The following TMC3 variants were observed in gnomAD, a reference collection of about 807,000 sequenced individuals.
TMC3 encodes transmembrane channel-like protein 3.
TMC3 carries 98 observed loss-of-function variants against 110.6 expected under a neutral mutation model. The ratio of observed to expected loss-of-function variants is 0.89; its 90% CI spans 0.75 to 1.05. TMC3 has a LOEUF of 1.05. Among genes scored for constraint, TMC3 ranks in the 50% least tolerant of loss-of-function variants. TMC3 has a pLI of 0.00. For synonymous variants in TMC3, 489 were observed against 513.1 expected (o/e 0.95, Z 0.63); for missense variants, 1,319 against 1,373.2 (o/e 0.96, Z 0.62).
At chr15:81,343,370 A>G in intron 14 of TMC3, 25 bp from the exon 15 acceptor site, 1 of 1,536,454 alleles carries the variant, frequency 6.5e-7, no homozygotes, top group Non-Finnish European at 9.0e-7. Context: ...AAACTTGTGC[A>G]TTAAACAAGT....
chr15:81,362,770 A>C (rs533542247), intron 3 of TMC3, among the ~76,000 whole-genome samples: 7 of 152,314 alleles, frequency 4.6e-5, no homozygotes, highest in African/African-American at 1.4e-4. Flanking sequence ...TCATAAACCT[A>C]AGGGGATTCT....
chr15:81,364,023 T>C (rs566299263), intron 3 of TMC3, among the ~76,000 whole-genome samples: 4 of 152,354 alleles, frequency 2.6e-5, no homozygotes, highest in South Asian at 2.1e-4. Context: ...TTTATTTCCT[T>C]GGATTCCATT....
rs1330601538 is a variant in TMC3 at position 81,344,944 on chromosome 15, G to T, written c.1340C>A (p.Ala447Asp). 2.5e-6 allele frequency: 4 copies of T among 1,612,362 alleles called. No individual in the cohort carries two copies. Among genetic ancestry groups the T allele is most frequent in the Non-Finnish European group, 3.4e-6 (4 of 1,179,268 alleles). The change falls in exon 13 of 22, where the codon GCC (alanine) becomes GAC (aspartate). Residue 447 changes from alanine to aspartate, a missense_variant. Transcript: ENST00000359440. ...DSTTFFATRT[A>D]PEEEKWSTSR... ...TGTGGACCATTTCTCTTCTTCAGGG[G>T]CTGTCCTGGTTGCAAAGAAGGTGGT...
intron 9 of TMC3, among the ~76,000 whole-genome samples, chr15:81,354,492 A>G (rs949285714): frequency 2.0e-5 from 3 of 152,156 alleles, no homozygotes; most frequent in Non-Finnish European, 4.4e-5. Context: ...CCAGCATTGC[A>G]CCCAGCCTCT....
chr15:81,333,065 C>T lies in TMC3; in HGVS notation c.2657G>A (p.Arg886Lys), dbSNP rs780335155. ...GTCACATTCATTAATGACATAGTATCTGGGGGCGTGGGGCCTGGGACCCTG... is the reference window on the plus strand; with the variant it reads ...GTCACATTCATTAATGACATAGTATTTGGGGGCGTGGGGCCTGGGACCCTG... ...LAQGPRPHAP[R>K]YYVINECDSY... The change falls in exon 22 of 22, where the codon AGA (arginine) becomes AAA (lysine). Residue 886 changes from arginine (R) to lysine (K), a missense_variant. Transcript: ENST00000359440. 11 of 1,613,874 alleles carry T rather than the reference C, an allele frequency of 6.8e-6. No homozygotes were observed. The highest frequency in any genetic ancestry group is 1.3e-5 in the African/African-American group (1 of 74,914).
At chr15:81,337,618 G>T in intron 19 of TMC3, 1 of 599,310 alleles carries the variant, frequency 1.7e-6, no homozygotes, top group Non-Finnish European at 3.0e-6. Context: ...GGCCTCTTGA[G>T]GAGGAAGAAA....
chr15:81,356,168 A>C (rs1187706642), intron 8 of TMC3, among the ~76,000 whole-genome samples: 1 of 152,242 alleles, frequency 6.6e-6, no homozygotes, highest in Non-Finnish European at 1.5e-5. Flanking sequence ...CATCATGGTA[A>C]TAATCCATTA....
intron 14 of TMC3, 35 bp downstream of exon 14, chr15:81,343,882 A>G (rs1309360155): frequency 3.7e-6 from 6 of 1,603,956 alleles, no homozygotes; most frequent in African/African-American, 2.7e-5. Context: ...ATTTGGCCAT[A>G]TAAACTTTCC....
In TMC3 at chr15:81,358,142, G is replaced by A; in HGVS notation, c.743+7C>T. 6.3e-7 allele frequency: 1 copy of A among 1,585,668 alleles called. No individual in the cohort carries two copies. ...GATATGTATTTTGAGAAATTGAGCA[G>A]TCATACTTTTTTAAAAGAATGATGA... On this transcript the variant is annotated splice_region_variant and intron_variant, in intron 7 of 21. Coordinates refer to ENST00000359440, the MANE Select transcript of TMC3 (RefSeq NM_001080532.3).
At chr15:81,338,618 C>T in intron 18 of TMC3, 37 bp downstream of exon 18, 1 of 1,598,880 alleles carries the variant, frequency 6.3e-7, no homozygotes. Flanking sequence ...GCCAAACACA[C>T]AGAAGTCCCT....
At chr15:81,339,865 C>T (rs1893676403) in intron 16 of TMC3, among the ~76,000 whole-genome samples, 1 of 152,208 alleles carries the variant, frequency 6.6e-6, no homozygotes, top group Admixed American at 6.5e-5. Context: ...CCATCTGGGT[C>T]CTTACCTAAT....
At chr15:81,344,097 C>T in intron 13 of TMC3, 52 bp from the exon 14 acceptor site, 7 of 1,576,868 alleles carry the variant, frequency 4.4e-6, no homozygotes, top group South Asian at 1.1e-5. Flanking sequence ...TTCCCACGGT[C>T]ACTCTTCCTT....
At chr15:81,373,925 AC>A in intron 1 of TMC3, 63 bp downstream of exon 1, 2 of 1,449,948 alleles carry the variant, frequency 1.4e-6, no homozygotes, top group Non-Finnish European at 1.9e-6. Context: ...CGCTCTGGTG[AC>A]CCATGCATTC....
chr15:81,344,031 G>T lies in TMC3; in HGVS notation c.1533C>A (p.Leu511=). The T allele has an allele frequency of 6.2e-7, 1 of 1,610,452 alleles. No individual in the cohort carries two copies. Residue 511 remains leucine, a synonymous_variant, in exon 14 of 22, where the codon CTC becomes CTA. Coordinates refer to ENST00000359440, the MANE Select transcript of TMC3 (RefSeq NM_001080532.3). ...ETYVGQEMLK[L]SIIDMLFTVA... ...CGGTGAAGAGCATGTCAATGATGGA[G>T]AGCTTCAGCATCTCCTGAAACACAG... is the stretch of plus-strand genomic sequence containing the variant.
At chr15:81,335,562 C>T (rs59232802) in intron 20 of TMC3, 1 of 154,346 alleles carries the variant, frequency 6.5e-6, no homozygotes, top group Non-Finnish European at 1.4e-5. Context: ...CTCTGAAAAG[C>T]TGATGGAGCA....
chr15:81,342,741 A>G (rs1315753335), intron 15 of TMC3: 2 of 152,404 alleles, frequency 1.3e-5, no homozygotes, highest in Non-Finnish European at 2.9e-5. Context: ...AGGTAAAATC[A>G]GCTCCTCAGT....
chr15:81,339,187 G>GT (rs1361022448), intron 17 of TMC3, among the ~76,000 whole-genome samples: 1 of 152,186 alleles, frequency 6.6e-6, no homozygotes, highest in Non-Finnish European at 1.5e-5. Context: ...AAAGGATTGT[G>GT]TTTTTTAACA....
intron 11 of TMC3, among the ~76,000 whole-genome samples, chr15:81,348,128 A>G (rs1037015375): frequency 6.6e-6 from 1 of 152,242 alleles, no homozygotes; most frequent in Non-Finnish European, 1.5e-5. Context: ...CTAGAACCTT[A>G]GAGTTGAGTA....
chr15:81,343,789 T>A, intron 14 of TMC3, 128 bp downstream of exon 14: 2 of 936,526 alleles, frequency 2.1e-6, no homozygotes, highest in Non-Finnish European at 3.0e-6. Context: ...TCTGCACCCA[T>A]CTCTTCCCAC....
Sources: gnomAD v4.1 joint callset for allele counts (sites outside exome capture counted in the v4.1 genomes callset) on GRCh38, gnomAD v4.1.1 for gene constraint, MANE v1.5 for transcripts, NCBI Gene and HGNC (gene_info 2026-07-23, HGNC 2026-07-21) for gene names.